Variants in UTRN observed in about 807,000 individuals in gnomAD.
The protein encoded by UTRN is utrophin.
A neutral mutation model predicts 463.9 loss-of-function variants in UTRN; 283 were observed. The observed-to-expected ratio is 0.61, with a 90% CI of 0.55 to 0.67. The LOEUF (loss-of-function observed/expected upper bound fraction) is 0.67. Ranked by LOEUF, UTRN falls within the 30% of genes least tolerant of loss-of-function variation. The probability of loss-of-function intolerance (pLI) is 0.00; values close to 1 mark genes in which losing one functional copy is unlikely to be tolerated. For missense variants in UTRN, 3,922 were observed against 4,084.3 expected, an observed-to-expected ratio of 0.96 and a Z score of 1.08; for synonymous variants, 1,442 against 1,431.5, an observed-to-expected ratio of 1.01 and a Z score of -0.17.
intron 50 of UTRN, among the ~76,000 whole-genome samples, chr6:144,569,130 GA>G (rs910257978): frequency 7.9e-5 from 12 of 151,664 alleles, no homozygotes; most frequent in Non-Finnish European, 1.5e-4. Context: ...TTAAAAGTAA[GA>G]AAAAATAAAC....
At chr6:144,443,348 A>C (rs950546832) in intron 13 of UTRN, among the ~76,000 whole-genome samples, 3 of 152,202 alleles carry the variant, frequency 2.0e-5, no homozygotes, top group African/African-American at 7.2e-5. Context: ...TTGACTATTT[A>C]GCAGTAAGGA....
chr6:144,424,723 T>A (rs564257254), intron 6 of UTRN, among the ~76,000 whole-genome samples: 2 of 152,328 alleles, frequency 1.3e-5, no homozygotes, highest in African/African-American at 4.8e-5. Context: ...AATTCCCAAG[T>A]ACCTTTCACT....
chr6:144,503,286 G>C lies in UTRN; in HGVS notation c.4764+3859G>C, dbSNP rs543047244. Among the ~76,000 whole-genome samples, 16 of 152,248 alleles carry C rather than the reference G, an allele frequency of 1.1e-4. No homozygotes were observed. The South Asian group carries it at 3.3e-3, about 32-fold the overall frequency. On this transcript the variant is annotated intron_variant, in intron 34 of 74. Transcript: ENST00000367545. Reference sequence around the variant, plus strand: ...TTATTTGTCAATTTTGGCTTTTGTTGCCGTTGCTTTTGGTGTTTTAATCAT... The same window carrying C: ...TTATTTGTCAATTTTGGCTTTTGTTCCCGTTGCTTTTGGTGTTTTAATCAT...
intron 65 of UTRN, among the ~76,000 whole-genome samples, chr6:144,817,609 G>T (rs1160943015): frequency 6.6e-6 from 1 of 151,748 alleles, no homozygotes; most frequent in Non-Finnish European, 1.5e-5. Context: ...AAATCAAATT[G>T]GACCAAGTAT....
chr6:144,472,587 G>A (rs529026740), intron 23 of UTRN, among the ~76,000 whole-genome samples: 2 of 152,224 alleles, frequency 1.3e-5, no homozygotes, highest in East Asian at 3.9e-4. Context: ...AGTTTCCAGA[G>A]CGTGTTGATC....
At chr6:144,349,282 A>G (rs886954184) in intron 2 of UTRN, among the ~76,000 whole-genome samples, 7 of 152,204 alleles carry the variant, frequency 4.6e-5, no homozygotes, top group African/African-American at 1.7e-4. Flanking sequence ...TGCTGGGATT[A>G]CAGGCATGAG....
chr6:144,805,227 C>T (rs1778042360), intron 65 of UTRN, among the ~76,000 whole-genome samples: 1 of 152,052 alleles, frequency 6.6e-6, no homozygotes, highest in African/African-American at 2.4e-5. Context: ...AGAGTATACC[C>T]AGAAAGATAA....
At chr6:144,473,488 G>A (rs904433122) in intron 23 of UTRN, among the ~76,000 whole-genome samples, 1 of 152,124 alleles carries the variant, frequency 6.6e-6, no homozygotes, top group African/African-American at 2.4e-5. Context: ...AAGAGCTAGC[G>A]TTTGGAAATT....
chr6:144,600,227 G>A (rs1804102833), intron 51 of UTRN, among the ~76,000 whole-genome samples: 1 of 152,112 alleles, frequency 6.6e-6, no homozygotes, highest in Non-Finnish European at 1.5e-5. Context: ...AAGTGTTTAA[G>A]TGAAAAGAAG....
At chr6:144,375,051 A>G (rs987781366) in intron 2 of UTRN, among the ~76,000 whole-genome samples, 11 of 133,802 alleles carry the variant, frequency 8.2e-5, no homozygotes, top group African/African-American at 3.3e-4. Flanking sequence ...TAGTTAAACA[A>G]GGAGTTTTTA....
At chr6:144,780,159 C>G (rs1775691297) in intron 60 of UTRN, among the ~76,000 whole-genome samples, 1 of 152,034 alleles carries the variant, frequency 6.6e-6, no homozygotes, top group Non-Finnish European at 1.5e-5. Flanking sequence ...ACAAAGGAAG[C>G]TATTTGTTCA....
In UTRN at chr6:144,533,229, A is replaced by G. The variant is rs774491808; in HGVS notation, c.6202A>G (p.Ile2068Val). The G allele has an allele frequency of 6.8e-6, 11 of 1,614,018 alleles. No homozygotes were observed. Among genetic ancestry groups the G allele is most frequent in the East Asian group, 2.2e-5 (1 of 44,890 alleles). Residue 2068 changes from isoleucine (I) to valine (V), a missense_variant, in exon 43 of 75, where the codon ATT becomes GTT. Physicochemically the swap from Ile to Val is conservative, Grantham distance 29 (BLOSUM62 3). Transcript: ENST00000367545. Reference protein sequence around the residue: ...LAGLNQRWDAIVAEVKDRQPR... With the variant: ...LAGLNQRWDAVVAEVKDRQPR... ...AGGTTTAAACCAACGCTGGGATGCAATTGTTGCAGAAGTGAAGGATAGGCA... is the reference window on the plus strand; with the variant it reads ...AGGTTTAAACCAACGCTGGGATGCAGTTGTTGCAGAAGTGAAGGATAGGCA...
At chr6:144,657,249 T>TAA (rs1779409436) in intron 51 of UTRN, among the ~76,000 whole-genome samples, 2 of 57,890 alleles carry the variant, frequency 3.5e-5, no homozygotes, top group African/African-American at 6.9e-5. Context: ...AAACTCCATC[T>TAA]CAAAAAAAAA....
intron 54 of UTRN, among the ~76,000 whole-genome samples, chr6:144,747,961 T>G: frequency 6.6e-6 from 1 of 152,246 alleles, no homozygotes; most frequent in South Asian, 2.1e-4. Context: ...GTTATCTTCT[T>G]ACATTTCAGT....
intron 53 of UTRN, among the ~76,000 whole-genome samples, chr6:144,725,552 G>A (rs1787780651): frequency 6.6e-6 from 1 of 152,142 alleles, no homozygotes; most frequent in Non-Finnish European, 1.5e-5. Context: ...ATTTAAGGTG[G>A]CCCATATATC....
intron 66 of UTRN, 153 bp downstream of exon 66, chr6:144,821,171 A>C: frequency 4.6e-6 from 3 of 657,162 alleles, no homozygotes; most frequent in Non-Finnish European, 5.7e-6. Flanking sequence ...ATGAATTTTT[A>C]CAATTCACTT....
intron 41 of UTRN, among the ~76,000 whole-genome samples, chr6:144,524,058 A>G (rs1459939602): frequency 6.6e-6 from 1 of 152,230 alleles, no homozygotes; most frequent in Non-Finnish European, 1.5e-5. Context: ...GGAGCACAGA[A>G]TAATACATTG....
chr6:144,491,219 TAAGGATTGATGATGGAA>T, intron 32 of UTRN, 117 bp downstream of exon 32: 1 of 948,890 alleles, frequency 1.1e-6, no homozygotes. Context: ...GTGCTAAACA[TAAGGATTGATGATGGAA>T]AACGTGTTAA....
intron 2 of UTRN, among the ~76,000 whole-genome samples, chr6:144,391,098 G>A (rs1343496052): frequency 6.6e-6 from 1 of 151,486 alleles, no homozygotes; most frequent in African/African-American, 2.4e-5. Context: ...TTGACACAAG[G>A]TCTTGCTCAG....
Sources: gnomAD v4.1 joint callset for allele counts (sites outside exome capture counted in the v4.1 genomes callset) on GRCh38, gnomAD v4.1.1 for gene constraint, MANE v1.5 for transcripts, NCBI Gene and HGNC (gene_info 2026-07-23, HGNC 2026-07-21) for gene names.